Variants in SEMA3A observed in about 807,000 individuals in gnomAD.
SEMA3A encodes semaphorin-3A.
SEMA3A carries 29 observed loss-of-function variants against 97.9 expected under a neutral mutation model. The observed-to-expected ratio is 0.30, with a 90% CI of 0.22 to 0.40. The LOEUF (loss-of-function observed/expected upper bound fraction) is 0.40. SEMA3A is among the 10% of genes least tolerant of loss of function. The pLI, the probability that SEMA3A is intolerant of heterozygous loss-of-function variation, is 1.00. For synonymous variants in SEMA3A, 321 were observed against 323.7 expected (o/e 0.99, Z 0.09); for missense variants, 763 against 951.3 (o/e 0.80, Z 2.60).
intron 6 of SEMA3A, among the ~76,000 whole-genome samples, chr7:84,033,697 A>G (rs1791839990): frequency 6.6e-6 from 1 of 152,194 alleles, no homozygotes; most frequent in South Asian, 2.1e-4. Flanking sequence ...TTTAATAATC[A>G]AAAGTATAAT....
chr7:84,206,613 C>T (rs973723500), intron 3 of SEMA3A, among the ~76,000 whole-genome samples: 4 of 151,744 alleles, frequency 2.6e-5, no homozygotes, highest in Non-Finnish European at 4.4e-5. Flanking sequence ...TGAGCCACCG[C>T]GTCCGGCCTT....
intron 15 of SEMA3A, among the ~76,000 whole-genome samples, chr7:83,971,356 C>T (rs776781837): frequency 2.0e-5 from 3 of 151,292 alleles, no homozygotes; most frequent in Non-Finnish European, 4.4e-5. Context: ...TGCCTGAACC[C>T]GGGACGCAGA....
chr7:84,014,461 C>T (rs936448073), intron 6 of SEMA3A, 110 bp from the exon 7 acceptor site: 6 of 806,398 alleles, frequency 7.4e-6, no homozygotes, highest in East Asian at 2.9e-5. Context: ...TTTCAAGAAA[C>T]GTATCTTTCG....
chr7:84,202,011 T>TAA (rs1242643745), intron 3 of SEMA3A, among the ~76,000 whole-genome samples: 11 of 152,284 alleles, frequency 7.2e-5, no homozygotes, highest in African/African-American at 2.4e-4. Flanking sequence ...CCATCTCAAC[T>TAA]AAAGCTTTAT....
intron 4 of SEMA3A, among the ~76,000 whole-genome samples, chr7:84,067,295 G>A (rs1214457059): frequency 1.2e-4 from 18 of 152,000 alleles, no homozygotes; most frequent in Non-Finnish European, 1.9e-4. Context: ...AGACTTAAAC[G>A]TTTGACCTAA....
rs372605771 is a variant in SEMA3A, at chr7:84,450,078, A to T, written c.-246+42382T>A. On this transcript the variant is annotated intron_variant, in intron 1 of 3. Coordinates refer to the SEMA3A transcript ENST00000424555. ...ATATCTCTTCCAGATTCTGACTTCA[A>T]TTCTTTTGGATAAATATCCAAAAGT... 6.6e-5 allele frequency among the ~76,000 whole-genome samples: 10 copies of T among 152,286 alleles called. 2 individuals are homozygous for T. The highest frequency in any genetic ancestry group is 6.5e-5 in the Admixed American group (1 of 15,298).
chr7:84,319,779 C>A (rs958714890), intron 2 of SEMA3A, among the ~76,000 whole-genome samples: 10 of 152,168 alleles, frequency 6.6e-5, no homozygotes, highest in Admixed American at 2.0e-4. Flanking sequence ...ATTAACAGGT[C>A]TTTCACTAGA....
intron 3 of SEMA3A, 56 bp from the exon 4 acceptor site, chr7:84,110,645 C>CTCTA: frequency 6.3e-7 from 1 of 1,586,194 alleles, no homozygotes; most frequent in Non-Finnish European, 8.6e-7. Context: ...CTGAGGTATC[C>CTCTA]TCTAGGGTGC....
chr7:84,468,730 A>G (rs77229034), intron 1 of SEMA3A, among the ~76,000 whole-genome samples: 2,283 of 152,272 alleles, frequency 0.015, 27 homozygotes, highest in Non-Finnish European at 0.024. Context: ...CATGTTCAGT[A>G]TAAATTGGTG....
At chr7:84,404,842 G>A (rs1301093327) in intron 1 of SEMA3A, among the ~76,000 whole-genome samples, 1 of 152,066 alleles carries the variant, frequency 6.6e-6, no homozygotes, top group African/African-American at 2.4e-5. Context: ...ACAAGCAAAT[G>A]CTGAGAGATT....
At chr7:84,388,049 T>C (rs1393857830) in intron 1 of SEMA3A, among the ~76,000 whole-genome samples, 3 of 152,122 alleles carry the variant, frequency 2.0e-5, no homozygotes, top group African/African-American at 7.2e-5. Flanking sequence ...GTTAAAATAT[T>C]GCCTTTAAAA....
chr7:84,337,312 T>A (rs1480172340), intron 2 of SEMA3A, among the ~76,000 whole-genome samples: 2 of 152,178 alleles, frequency 1.3e-5, no homozygotes, highest in Non-Finnish European at 2.9e-5. Context: ...ACATTTTTGT[T>A]GATGCATGTG....
chr7:84,041,807 T>C (rs965626639), intron 6 of SEMA3A, among the ~76,000 whole-genome samples: 9 of 152,016 alleles, frequency 5.9e-5, no homozygotes, highest in African/African-American at 2.2e-4. Flanking sequence ...GAGGGCTTTT[T>C]CCCCAAAGGT....
At chr7:84,324,134 A>T (rs1225644731) in intron 2 of SEMA3A, among the ~76,000 whole-genome samples, 1 of 152,192 alleles carries the variant, frequency 6.6e-6, no homozygotes, top group Admixed American at 6.5e-5. Flanking sequence ...GCCAATTTAA[A>T]TTTTTGGCAC....
At chr7:84,329,526 A>G (rs1015232385) in intron 2 of SEMA3A, among the ~76,000 whole-genome samples, 9 of 152,014 alleles carry the variant, frequency 5.9e-5, no homozygotes, top group Admixed American at 6.6e-5. Flanking sequence ...GTCATGGCAA[A>G]AGATTTGAGG....
At chr7:84,061,957 G>A (rs1793233325) in intron 4 of SEMA3A, among the ~76,000 whole-genome samples, 1 of 152,146 alleles carries the variant, frequency 6.6e-6, no homozygotes, top group Non-Finnish European at 1.5e-5. Flanking sequence ...AACGCAATGA[G>A]CCAGGCACCA....
chr7:84,256,874 T>C (rs1451319156), intron 3 of SEMA3A, among the ~76,000 whole-genome samples: 1 of 152,132 alleles, frequency 6.6e-6, no homozygotes, highest in Non-Finnish European at 1.5e-5. Flanking sequence ...GCAGTTTGAC[T>C]ATCTGATGAA....
chr7:84,161,392 C>T (rs144280091), intron 1 of SEMA3A, among the ~76,000 whole-genome samples: 12 of 152,162 alleles, frequency 7.9e-5, no homozygotes, highest in African/African-American at 2.9e-4. Flanking sequence ...AAAATTTAAT[C>T]TAGAAATTAA....
chr7:84,444,349 C>T (rs1278648629), intron 1 of SEMA3A, among the ~76,000 whole-genome samples: 1 of 152,064 alleles, frequency 6.6e-6, no homozygotes, highest in Non-Finnish European at 1.5e-5. Flanking sequence ...ATGTGTCACC[C>T]ATTGAGTGAA....
Sources: gnomAD v4.1 joint callset for allele counts (sites outside exome capture counted in the v4.1 genomes callset) on GRCh38, gnomAD v4.1.1 for gene constraint, MANE v1.5 for transcripts, NCBI Gene and HGNC (gene_info 2026-07-23, HGNC 2026-07-21) for gene names.